Variants in VPS45 observed in about 807,000 individuals in gnomAD.
VPS45 encodes vacuolar protein sorting-associated protein 45.
A neutral mutation model predicts 75.9 loss-of-function variants in VPS45; 35 were observed. That is an observed-to-expected ratio of 0.46 (90% CI 0.35 to 0.61). The LOEUF is 0.61. VPS45 is among the 20% of genes least tolerant of loss of function. VPS45 has a pLI of 0.00. For synonymous variants in VPS45, 220 were observed against 238.2 expected (o/e 0.92, Z 0.70); for missense variants, 559 against 685.9 (o/e 0.81, Z 2.07).
intron 14 of VPS45, among the ~76,000 whole-genome samples, chr1:150,128,762 C>A (rs1368870540): frequency 6.7e-6 from 1 of 148,834 alleles, no homozygotes; most frequent in Non-Finnish European, 1.5e-5. Flanking sequence ...TTCAGTGAGA[C>A]AGAGTCTCGC....
At chr1:150,114,467 CAAAA>C (rs1281790882) in intron 14 of VPS45, among the ~76,000 whole-genome samples, 4 of 122,720 alleles carry the variant, frequency 3.3e-5, no homozygotes, top group Admixed American at 8.2e-5. Flanking sequence ...AACACCATCT[CAAAA>C]AAAAAAAAAA....
At chr1:150,144,650 A>G in intron 14 of VPS45, 59 bp from the exon 15 acceptor site, 1 of 1,450,774 alleles carries the variant, frequency 6.9e-7, no homozygotes, top group Non-Finnish European at 9.5e-7. Context: ...AGAGCAAGAC[A>G]TTCTATTTTT....
Position 150,076,926 on chromosome 1 carries a change from G to C in VPS45, c.380G>C (p.Gly127Ala), listed in dbSNP as rs1553798216. Residue 127 changes from glycine (G) to alanine (A), a missense_variant, in exon 5 of 15, where the codon GGT becomes GCT. Physicochemically the swap from Gly to Ala is moderately conservative, Grantham distance 60 (BLOSUM62 0). Coordinates refer to ENST00000644510, the MANE Select transcript of VPS45 (RefSeq NM_007259.5). ...EVVAEVQEFY[G>A]DYIAVNPHLF... ...GTGCTTTATTTGCAGGAATTTTATGGTGATTACATTGCTGTGAACCCACAT... is the reference window on the plus strand; with the variant it reads ...GTGCTTTATTTGCAGGAATTTTATGCTGATTACATTGCTGTGAACCCACAT... The C allele has an allele frequency of 6.2e-7, 1 of 1,613,896 alleles. No individual in the cohort carries two copies. The highest frequency in any genetic ancestry group is 1.3e-5 in the African/African-American group (1 of 74,896).
intron 3 of VPS45, among the ~76,000 whole-genome samples, chr1:150,072,899 T>G (rs961871526): frequency 5.9e-5 from 9 of 152,116 alleles, no homozygotes; most frequent in Admixed American, 1.3e-4. Flanking sequence ...TTTTTTGAAG[T>G]GGGAAGGTAA....
In VPS45 at chr1:150,144,812, A is replaced by T; in HGVS notation, c.*16A>T. On this transcript the variant is annotated 3_prime_UTR_variant, in exon 15 of 15. Transcript: ENST00000644510. ...CAGAAGATGAAACGGTGGTTGGGGGAAGGGCACAGCTTCCTCTCTTGTCCC... is the reference window on the plus strand; with the variant it reads ...CAGAAGATGAAACGGTGGTTGGGGGTAGGGCACAGCTTCCTCTCTTGTCCC... 1 of 1,614,018 alleles carries T rather than the reference A, an allele frequency of 6.2e-7. No homozygotes were observed. The highest frequency in any genetic ancestry group is 8.5e-7 in the Non-Finnish European group (1 of 1,180,028).
chr1:150,102,367 T>C (rs1553804673), intron 13 of VPS45, among the ~76,000 whole-genome samples: 2 of 150,686 alleles, frequency 1.3e-5, no homozygotes, highest in Non-Finnish European at 2.9e-5. Flanking sequence ...CTGACCAACA[T>C]AATGAAACCT....
chr1:150,104,079 A>G (rs1657186040), intron 13 of VPS45, among the ~76,000 whole-genome samples: 1 of 152,094 alleles, frequency 6.6e-6, no homozygotes. Context: ...TTCAGCCTTG[A>G]GTATTTTATT....
chr1:150,089,890 C>T (rs1368367671), intron 10 of VPS45, among the ~76,000 whole-genome samples: 10 of 152,124 alleles, frequency 6.6e-5, no homozygotes, highest in Admixed American at 5.2e-4. Flanking sequence ...AAGTTTCTCC[C>T]TTTTTGATCC....
intron 13 of VPS45, among the ~76,000 whole-genome samples, chr1:150,107,880 G>A (rs1657417128): frequency 6.6e-6 from 1 of 152,116 alleles, no homozygotes. Flanking sequence ...CAGCCTGGGT[G>A]ACAAGAGCAA....
At chr1:150,085,645 G>T (rs1655964294) in intron 10 of VPS45, among the ~76,000 whole-genome samples, 2 of 152,022 alleles carry the variant, frequency 1.3e-5, no homozygotes, top group Non-Finnish European at 2.9e-5. Context: ...GCATTCCTTG[G>T]CTTGACCTTA....
chr1:150,101,716 C>T (rs1422285925), intron 13 of VPS45, among the ~76,000 whole-genome samples: 2 of 149,966 alleles, frequency 1.3e-5, no homozygotes, highest in Non-Finnish European at 3.0e-5. Flanking sequence ...CTCTGGGCGA[C>T]AGAGCAAGAC....
At chr1:150,072,889 T>C (rs1655163228) in intron 3 of VPS45, among the ~76,000 whole-genome samples, 1 of 152,142 alleles carries the variant, frequency 6.6e-6, no homozygotes, top group Non-Finnish European at 1.5e-5. Flanking sequence ...AGCTGATTTA[T>C]TTTTTGAAGT....
At chr1:150,124,677 G>C (rs55917036) in intron 14 of VPS45, among the ~76,000 whole-genome samples, 3,184 of 148,934 alleles carry the variant, frequency 0.021, 94 homozygotes, top group African/African-American at 0.074. Flanking sequence ...AGCCTCCCAA[G>C]TAGCTGGGAC....
chr1:150,133,274 G>A (rs1487446179), intron 14 of VPS45, among the ~76,000 whole-genome samples: 1 of 152,180 alleles, frequency 6.6e-6, no homozygotes, highest in Non-Finnish European at 1.5e-5. Flanking sequence ...TGAAGGCCAG[G>A]CGTGGTGGCT....
At chr1:150,132,556 A>AT (rs1296502469) in intron 14 of VPS45, among the ~76,000 whole-genome samples, 1 of 152,188 alleles carries the variant, frequency 6.6e-6, no homozygotes, top group Non-Finnish European at 1.5e-5. Flanking sequence ...ACCATACAGT[A>AT]TTACCTTCCC....
chr1:150,094,784 T>A, intron 13 of VPS45, among the ~76,000 whole-genome samples: 1 of 152,230 alleles, frequency 6.6e-6, no homozygotes, highest in East Asian at 1.9e-4. Flanking sequence ...ATTTATTTGC[T>A]TATGAATTTT....
At chr1:150,076,844 C>A in intron 4 of VPS45, 72 bp from the exon 5 acceptor site, 1 of 1,551,092 alleles carries the variant, frequency 6.4e-7, no homozygotes, top group South Asian at 1.1e-5. Context: ...CATATTATAT[C>A]ACTTATGAAA....
At chr1:150,076,416 T>A in intron 4 of VPS45, 104 bp downstream of exon 4, 2 of 763,650 alleles carry the variant, frequency 2.6e-6, no homozygotes, top group Non-Finnish European at 2.0e-6. Flanking sequence ...AGAAGTTTTA[T>A]TATGAATACT....
intron 13 of VPS45, among the ~76,000 whole-genome samples, chr1:150,105,830 G>A (rs1657291554): frequency 6.6e-6 from 1 of 152,068 alleles, no homozygotes; most frequent in African/African-American, 2.4e-5. Flanking sequence ...AACAAATCCA[G>A]AGTCACATTG....
Sources: gnomAD v4.1 joint callset for allele counts (sites outside exome capture counted in the v4.1 genomes callset) on GRCh38, gnomAD v4.1.1 for gene constraint, MANE v1.5 for transcripts, NCBI Gene and HGNC (gene_info 2026-07-23, HGNC 2026-07-21) for gene names.